Variants in ZNF829 observed in about 807,000 individuals in gnomAD.
The protein encoded by ZNF829 is zinc finger protein 829.
ZNF829 carries 25 observed loss-of-function variants against 35.2 expected under a neutral mutation model. That is an observed-to-expected ratio of 0.71 (90% CI 0.52 to 0.99). ZNF829 has a LOEUF of 0.99. Ranked by LOEUF, ZNF829 falls within the 50% of genes least tolerant of loss-of-function variation. The probability of loss-of-function intolerance (pLI) is 0.00; values close to 1 mark genes in which losing one functional copy is unlikely to be tolerated. For synonymous variants in ZNF829, 136 were observed against 163.2 expected, an observed-to-expected ratio of 0.83 and a Z score of 1.27; for missense variants, 417 against 515.3, an observed-to-expected ratio of 0.81 and a Z score of 1.85.
Position 36,908,422 on chromosome 19 carries a change from G to C in ZNF829, c.134C>G (p.Ser45Cys). The C allele has an allele frequency of 6.2e-6, 10 of 1,612,616 alleles. No individual in the cohort carries two copies. Among genetic ancestry groups the C allele is most frequent in the Non-Finnish European group, 7.6e-6 (9 of 1,179,280 alleles). Residue 45 changes from serine (S) to cysteine (C), a missense_variant, in exon 4 of 6, where the codon TCT (serine) becomes TGT (cysteine). Physicochemically the swap from Ser to Cys is moderately radical, Grantham distance 112. Coordinates refer to ENST00000391711, the MANE Select transcript of ZNF829 (RefSeq NM_001037232.4). ...GTCCAGGCATTCCCATTCCTCTTGA[G>C]AGAAGTCTATGGAAACATCCCTGAA... ...VMFRDVSIDF[S>C]QEEWECLDAD...
chr19:36,899,812 C>A (rs2073146593), intron 5 of ZNF829, among the ~76,000 whole-genome samples: 1 of 150,402 alleles, frequency 6.6e-6, no homozygotes, highest in African/African-American at 2.4e-5. Flanking sequence ...ATCTGCTTAA[C>A]TATAGTAATT....
chr19:36,892,769 TAGAG>T, intron 5 of ZNF829: 1 of 469,616 alleles, frequency 2.1e-6, no homozygotes, highest in Non-Finnish European at 3.5e-6. Flanking sequence ...CTCCATATTA[TAGAG>T]AGATTCTAAT....
At chr19:36,902,477 A>G (rs968323641) in intron 5 of ZNF829, among the ~76,000 whole-genome samples, 8 of 151,780 alleles carry the variant, frequency 5.3e-5, no homozygotes, top group Non-Finnish European at 1.2e-4. Context: ...TCTACAAAAA[A>G]TACAAAAATT....
chr19:36,894,695 G>A (rs1432275520), intron 5 of ZNF829, among the ~76,000 whole-genome samples: 2 of 151,972 alleles, frequency 1.3e-5, no homozygotes, highest in Non-Finnish European at 2.9e-5. Context: ...ACTAGATCAA[G>A]CAGAAGAAAG....
In ZNF829 at chr19:36,916,226, T is replaced by C. The variant is rs991990016; in HGVS notation, c.-300A>G. ...TGCGGGTCGCCGTAGCGCTGCGCAA[T>C]GGAGATGAGCCTCCCGGGGAACCCG... On this transcript the variant is annotated 5_prime_UTR_variant, in exon 1 of 6. Transcript: ENST00000391711. This position sits in a 1 kb window ranked among gnomAD's most constrained non-coding sequence, Gnocchi z 5.3. 2 of 391,616 alleles carry C rather than the reference T, an allele frequency of 5.1e-6. No individual in the cohort carries two copies. Among genetic ancestry groups the C allele is most frequent in the Non-Finnish European group, 4.6e-6 (1 of 218,368 alleles). The allele number at this position is 391,616 out of a possible 1,614,324, so 24.3% of individuals were successfully genotyped here.
chr19:36,914,096 A>C (rs964653739), intron 3 of ZNF829, among the ~76,000 whole-genome samples: 1 of 152,230 alleles, frequency 6.6e-6, no homozygotes, highest in Non-Finnish European at 1.5e-5. Flanking sequence ...AGTTGCAACT[A>C]TATAAAATAT....
At chr19:36,902,001 G>A (rs2073170637) in intron 5 of ZNF829, 4 of 711,358 alleles carry the variant, frequency 5.6e-6, no homozygotes, top group Non-Finnish European at 7.7e-6. Context: ...ATCCATGTGC[G>A]GTTGTCCAGA....
Position 36,892,024 on chromosome 19 carries a change from T to C in ZNF829, c.767A>G (p.Asn256Ser), listed in dbSNP as rs774296155. Reference protein sequence around the residue: ...GKAFKYCSNLNDHQRIHTGEK... With the variant: ...GKAFKYCSNLSDHQRIHTGEK... ...ACCAGTGTGAATTCTCTGATGATCATTAAGGTTTGAGCAATACTTAAAGGC... is the reference window on the plus strand; with the variant it reads ...ACCAGTGTGAATTCTCTGATGATCACTAAGGTTTGAGCAATACTTAAAGGC... Residue 256 changes from asparagine to serine, a missense_variant, in exon 6 of 6, where the codon AAT (asparagine) becomes AGT (serine). Physicochemically the swap from Asn to Ser is conservative, Grantham distance 46 (BLOSUM62 1). Coordinates refer to ENST00000391711, the MANE Select transcript of ZNF829 (RefSeq NM_001037232.4). 2.5e-6 allele frequency: 4 copies of C among 1,613,542 alleles called. No individual in the cohort carries two copies. The highest frequency in any genetic ancestry group is 1.7e-4 in the Middle Eastern group (1 of 6,060).
At chr19:36,903,816 G>A (rs1350739022) in intron 5 of ZNF829, among the ~76,000 whole-genome samples, 1 of 151,880 alleles carries the variant, frequency 6.6e-6, no homozygotes, top group Non-Finnish European at 1.5e-5. Context: ...AGTGAGCTGA[G>A]GTTGCACCAC....
intron 5 of ZNF829, chr19:36,907,172 TGAA>T (rs2073225322): frequency 6.8e-6 from 1 of 147,210 alleles, no homozygotes; most frequent in Non-Finnish European, 1.5e-5. Context: ...CCAATAAGAA[TGAA>T]CTAACACCAG....
At chr19:36,909,884 T>C (rs2073249536) in intron 3 of ZNF829, among the ~76,000 whole-genome samples, 1 of 151,432 alleles carries the variant, frequency 6.6e-6, no homozygotes, top group Non-Finnish European at 1.5e-5. Context: ...AAGACTGTGG[T>C]ATGGGAAATC....
At chr19:36,907,831 A>G (rs1156376919) in intron 5 of ZNF829, 98 bp downstream of exon 5, 9 of 1,005,052 alleles carry the variant, frequency 9.0e-6, no homozygotes, top group Non-Finnish European at 1.3e-5. Context: ...GATAGCTTAT[A>G]TGGAAGAGGC....
rs1448808069 is a variant in ZNF829, at chr19:36,891,845, T to G, written c.946A>C (p.Arg316=). ...TAAGGTTTCTCACCAGTATGCATTC[T>G]CTGATGCTGAATAAGCCTTGAGTGT... ...TQHSRLIQHQ[R]MHTGEKPYEC... The change falls in exon 6 of 6, where the codon AGA becomes CGA. Residue 316 remains arginine (R), a synonymous_variant. Coordinates refer to ENST00000391711, the MANE Select transcript of ZNF829 (RefSeq NM_001037232.4). 2 of 1,614,024 alleles carry G rather than the reference T, an allele frequency of 1.2e-6. No individual in the cohort carries two copies.
intron 5 of ZNF829, chr19:36,906,563 T>C (rs911266859): frequency 2.6e-5 from 4 of 152,178 alleles, no homozygotes; most frequent in African/African-American, 9.7e-5. Context: ...ATAACTACTT[T>C]GGAAAATTGG....
intron 3 of ZNF829, among the ~76,000 whole-genome samples, chr19:36,910,599 T>A (rs1417029392): frequency 1.3e-5 from 2 of 152,236 alleles, no homozygotes; most frequent in Non-Finnish European, 2.9e-5. Flanking sequence ...ATTTCAGACA[T>A]TTTCTTAGGC....
chr19:36,892,126 C>T lies in ZNF829; in HGVS notation c.665G>A (p.Ser222Asn), dbSNP rs2073060596. ...ATGTTGAGAAAAATATGAACTACAA[C>T]TAAAAGCCTTGCCACATTCCTTACA... is the stretch of plus-strand genomic sequence containing the variant. Reference protein sequence around the residue: ...YECKECGKAFSCSSYFSQHQR... With the variant: ...YECKECGKAFNCSSYFSQHQR... Residue 222 changes from serine to asparagine, a missense_variant, in exon 6 of 6, where the codon AGT becomes AAT. Coordinates refer to ENST00000391711, the MANE Select transcript of ZNF829 (RefSeq NM_001037232.4). 1 of 1,613,990 alleles carries T rather than the reference C, an allele frequency of 6.2e-7. No homozygotes were observed. Among genetic ancestry groups the T allele is most frequent in the African/African-American group, 1.3e-5 (1 of 75,038 alleles).
At chr19:36,914,863 C>A in intron 3 of ZNF829, 102 bp downstream of exon 3, 1 of 1,076,264 alleles carries the variant, frequency 9.3e-7, no homozygotes, top group Non-Finnish European at 1.4e-6. Context: ...ATAAGTGGAG[C>A]AACCATCCTT....
intron 5 of ZNF829, among the ~76,000 whole-genome samples, chr19:36,896,306 C>CAA (rs536542334): frequency 0.059 from 6,217 of 105,754 alleles, 512 homozygotes; most frequent in African/African-American, 0.2. Flanking sequence ...GCAAGACTGT[C>CAA]AAAAAAAAAA....
chr19:36,894,826 A>G (rs1334271478), intron 5 of ZNF829, among the ~76,000 whole-genome samples: 1 of 152,200 alleles, frequency 6.6e-6, no homozygotes, highest in African/African-American at 2.4e-5. Context: ...GCAACCAAAT[A>G]TTCAAATTTT....
Sources: gnomAD v4.1 joint callset for allele counts (sites outside exome capture counted in the v4.1 genomes callset) on GRCh38, gnomAD v4.1.1 for gene constraint, Gnocchi (gnomAD v3.1) non-coding constraint, MANE v1.5 for transcripts, NCBI Gene and HGNC (gene_info 2026-07-23, HGNC 2026-07-21) for gene names.